Variants in DSCAM observed in about 807,000 individuals in gnomAD.
DSCAM encodes the protein cell adhesion molecule DSCAM.
Under a neutral mutation model 217.7 loss-of-function variants are expected in DSCAM, and 47 were observed. The ratio of observed to expected loss-of-function variants is 0.22; its 90% CI spans 0.17 to 0.28. The LOEUF is 0.28. Among genes scored for constraint, DSCAM ranks in the 10% least tolerant of loss-of-function variants. The probability of loss-of-function intolerance (pLI) is 1.00; values close to 1 mark genes in which losing one functional copy is unlikely to be tolerated. For synonymous variants in DSCAM, 1,056 were observed against 1,015.3 expected (o/e 1.04, Z -0.76); for missense variants, 2,080 against 2,618.3 (o/e 0.79, Z 4.49).
intron 18 of DSCAM, 91 bp from the exon 19 acceptor site, chr21:40,134,100 A>G: frequency 6.8e-7 from 1 of 1,468,386 alleles, no homozygotes; most frequent in Non-Finnish European, 9.1e-7. Flanking sequence ...TCCCTGTGCC[A>G]TGCCATCACC....
intron 3 of DSCAM, among the ~76,000 whole-genome samples, chr21:40,437,299 G>C (rs1234453895): frequency 6.6e-6 from 1 of 152,154 alleles, no homozygotes; most frequent in Non-Finnish European, 1.5e-5. Flanking sequence ...AGAATCACAA[G>C]GGGGATTCAA....
intron 3 of DSCAM, among the ~76,000 whole-genome samples, chr21:40,491,197 G>C (rs1251731521): frequency 1.3e-5 from 2 of 152,068 alleles, no homozygotes; most frequent in East Asian, 3.8e-4. Context: ...ATGCTTTCTA[G>C]TGAAAAATCT....
intron 3 of DSCAM, among the ~76,000 whole-genome samples, chr21:40,615,125 G>A (rs865787963): frequency 3.6e-4 from 54 of 151,296 alleles, no homozygotes; most frequent in African/African-American, 8.5e-4. Flanking sequence ...CCAACATGGC[G>A]AAACCCCATC....
At chr21:40,366,661 T>C (rs1249898691) in intron 4 of DSCAM, among the ~76,000 whole-genome samples, 2 of 152,194 alleles carry the variant, frequency 1.3e-5, no homozygotes, top group Non-Finnish European at 2.9e-5. Flanking sequence ...TTAAATCTTT[T>C]TCCTTTTTGT....
rs1236853062 is a variant in DSCAM at position 40,637,120 on chromosome 21, TATATATATAA to T, written c.508+55680_508+55689del. Reference sequence around the variant, plus strand: ...GGCCCTTCTCATTCATATATATATATATATATATAAATATATAAATATATATATAAATATA... The same window carrying T: ...GGCCCTTCTCATTCATATATATATATATATATAAATATATATATAAATATA... On this transcript the variant is annotated intron_variant, in intron 3 of 32. Transcript: ENST00000400454. Among the ~76,000 whole-genome samples, 2 of 90,414 alleles carry T rather than the reference TATATATATAA, an allele frequency of 2.2e-5. 1 individual carries two copies. Among genetic ancestry groups the T allele is most frequent in the African/African-American group, 8.8e-5 (2 of 22,744 alleles). 59.3% of individuals were successfully genotyped at this position (90,414 alleles called of 152,430 possible).
At position 40,174,648 on chromosome 21, in the gene DSCAM, C is replaced by T. The variant is rs537876115; in HGVS notation, c.2947+4279G>A. ...AATGAATGGAGGATGGGAACTATGG[C>T]TCACTGAGGGGGTATGGTCAGCCTC... On this transcript the variant is annotated intron_variant, in intron 15 of 32. Coordinates refer to ENST00000400454, the MANE Select transcript of DSCAM (RefSeq NM_001389.5). Among the ~76,000 whole-genome samples, 260 of 152,004 alleles carry T rather than the reference C, an allele frequency of 1.7e-3. 2 individuals carry two copies. Among genetic ancestry groups the T allele is most frequent in the African/African-American group, 6.1e-3 (253 of 41,432 alleles).
At chr21:40,270,596 C>T (rs1471080497) in intron 11 of DSCAM, among the ~76,000 whole-genome samples, 1 of 152,132 alleles carries the variant, frequency 6.6e-6, no homozygotes, top group African/African-American at 2.4e-5. Flanking sequence ...TGGTTTGGAT[C>T]TGTGTTCCTA....
chr21:40,416,938 G>A (rs1300496988), intron 3 of DSCAM, among the ~76,000 whole-genome samples: 2 of 152,082 alleles, frequency 1.3e-5, no homozygotes, highest in Admixed American at 1.3e-4. Context: ...AACATCTCAT[G>A]TAACTAGCTA....
At chr21:40,310,707 G>C (rs1344890067) in intron 9 of DSCAM, among the ~76,000 whole-genome samples, 3 of 152,128 alleles carry the variant, frequency 2.0e-5, no homozygotes, top group Non-Finnish European at 4.4e-5. Context: ...ATAGAAAGCA[G>C]GCTGATGTAC....
intron 11 of DSCAM, among the ~76,000 whole-genome samples, chr21:40,245,005 A>G (rs1415886507): frequency 7.1e-6 from 1 of 140,504 alleles, no homozygotes; most frequent in African/African-American, 2.5e-5. Flanking sequence ...CGAGGGAGGG[A>G]GGGAGGGATG....
At chr21:40,715,393 A>C (rs1249892300) in intron 1 of DSCAM, among the ~76,000 whole-genome samples, 1 of 152,234 alleles carries the variant, frequency 6.6e-6, no homozygotes, top group East Asian at 1.9e-4. Flanking sequence ...CTCCAGGGCC[A>C]GTTGGGGCTA....
intron 20 of DSCAM, among the ~76,000 whole-genome samples, chr21:40,116,580 G>GA (rs1269710221): frequency 6.6e-6 from 1 of 151,928 alleles, no homozygotes; most frequent in Non-Finnish European, 1.5e-5. Flanking sequence ...CTGCCATGTA[G>GA]AAGCACTGCA....
rs193299692 is a variant in DSCAM, at chr21:40,557,208, A to G, written c.508+135602T>C. Among the ~76,000 whole-genome samples the G allele has an allele frequency of 2.6e-5, 4 of 152,230 alleles. No individual in the cohort carries two copies. The South Asian group carries it at 6.2e-4, about 24-fold the overall frequency. ...TGTGGCAGTGTTGGGAGGTGGGGCC[A>G]AGTGGAAGTTTTTCTGGTTACGGGG... On this transcript the variant is annotated intron_variant, in intron 3 of 32. Transcript: ENST00000400454.
chr21:40,332,908 T>C (rs1324000386), intron 8 of DSCAM, among the ~76,000 whole-genome samples: 1 of 152,218 alleles, frequency 6.6e-6, no homozygotes, highest in Non-Finnish European at 1.5e-5. Flanking sequence ...CCAAATATCA[T>C]CTAAACACAT....
chr21:40,400,480 G>A (rs941719627), intron 3 of DSCAM, among the ~76,000 whole-genome samples: 1 of 152,184 alleles, frequency 6.6e-6, no homozygotes, highest in East Asian at 1.9e-4. Flanking sequence ...GTAAGTAATT[G>A]TGAATATTCT....
intron 26 of DSCAM, 115 bp from the exon 27 acceptor site, chr21:40,075,328 G>T (rs2089350614): frequency 1.7e-6 from 2 of 1,156,666 alleles, no homozygotes; most frequent in East Asian, 2.5e-5. Flanking sequence ...TGGAGGTGAT[G>T]AGAAATGAAA....
intron 8 of DSCAM, among the ~76,000 whole-genome samples, chr21:40,317,530 CTTTCTT>C (rs922963660): frequency 3.3e-5 from 5 of 149,838 alleles, no homozygotes; most frequent in African/African-American, 9.8e-5. Context: ...TTTTTCTTTT[CTTTCTT>C]TTTCTTTTTT....
chr21:40,107,081 C>A (rs115081330), intron 20 of DSCAM, among the ~76,000 whole-genome samples: 1 of 152,058 alleles, frequency 6.6e-6, no homozygotes, highest in African/African-American at 2.4e-5. Flanking sequence ...AACTTGAGAC[C>A]TTTCTAACTT....
chr21:40,262,862 A>T (rs1002260044), intron 11 of DSCAM, among the ~76,000 whole-genome samples: 50 of 152,342 alleles, frequency 3.3e-4, no homozygotes, highest in Non-Finnish European at 1.0e-4. Flanking sequence ...ATGTTTCTTG[A>T]ATCAATGAAA....
Sources: allele counts gnomAD v4.1 joint callset (sites outside exome capture counted in the v4.1 genomes callset), GRCh38; gene constraint gnomAD v4.1.1; transcripts MANE v1.5; gene names NCBI Gene and HGNC (gene_info 2026-07-23, HGNC 2026-07-21).